The following PRDM2 variants were observed in gnomAD, a reference collection of about 807,000 sequenced individuals.
PRDM2 encodes PR domain zinc finger protein 2.
A neutral mutation model predicts 130.0 loss-of-function variants in PRDM2; 30 were observed. The ratio of observed to expected loss-of-function variants is 0.23; its 90% confidence interval spans 0.17 to 0.31. PRDM2 has a LOEUF of 0.31. Ranked by LOEUF, PRDM2 falls within the 10% of genes least tolerant of loss-of-function variation. The probability of loss-of-function intolerance (pLI) is 1.00; values close to 1 mark genes in which losing one functional copy is unlikely to be tolerated. For missense variants in PRDM2, 2,011 were observed against 2,108.4 expected (o/e 0.95, Z 0.90); for synonymous variants, 871 against 782.4 (o/e 1.11, Z -1.89).
At chr1:13,764,733 T>A (rs1644183773) in intron 6 of PRDM2, among the ~76,000 whole-genome samples, 1 of 152,268 alleles carries the variant, frequency 6.6e-6, no homozygotes, top group African/African-American at 2.4e-5. Flanking sequence ...GAATTTATAC[T>A]GCAATCTGCA....
chr1:13,791,501 C>T (rs1160781449), intron 8 of PRDM2, among the ~76,000 whole-genome samples: 3 of 152,162 alleles, frequency 2.0e-5, no homozygotes, highest in Non-Finnish European at 2.9e-5. Flanking sequence ...CAGATACCGG[C>T]GGAGAACCTT....
In PRDM2 at chr1:13,781,851, C is replaced by A. The variant is rs567880926; in HGVS notation, c.4056C>A (p.Ile1352=). The change falls in exon 8 of 10, where the codon ATC becomes ATA. Residue 1352 remains isoleucine (I), a synonymous_variant. Transcript: ENST00000311066. This position sits in a 1 kb window ranked among gnomAD's most constrained non-coding sequence, Gnocchi z 6.1. Reference sequence around the variant, plus strand: ...ATATGCCGGAGTTGCACAAACATATCCTGGCTTGTGCTTCTGCAAGTGACA... The same window carrying A: ...ATATGCCGGAGTTGCACAAACATATACTGGCTTGTGCTTCTGCAAGTGACA... ...VDNMPELHKH[I]LACASASDKK... 9.9e-6 allele frequency: 16 copies of A among 1,614,168 alleles called. No homozygotes were observed. The East Asian group carries it at 1.1e-4, about 11-fold the overall frequency.
chr1:13,750,207 T>C (rs1476629325), intron 6 of PRDM2, among the ~76,000 whole-genome samples: 1 of 151,790 alleles, frequency 6.6e-6, no homozygotes, highest in Non-Finnish European at 1.5e-5. Context: ...GGTAGGAAAA[T>C]AGTTTGGTTG....
intron 6 of PRDM2, among the ~76,000 whole-genome samples, chr1:13,755,714 C>G (rs947814673): frequency 2.6e-5 from 4 of 151,536 alleles, no homozygotes; most frequent in African/African-American, 9.7e-5. Flanking sequence ...TTACAGATAG[C>G]TGTTACGACA....
At chr1:13,707,878 A>G (rs1337509838) in intron 1 of PRDM2, among the ~76,000 whole-genome samples, 1 of 150,136 alleles carries the variant, frequency 6.7e-6, no homozygotes, top group Non-Finnish European at 1.5e-5. Flanking sequence ...GAGAGCTAAG[A>G]TAATATGTTT....
intron 8 of PRDM2, among the ~76,000 whole-genome samples, chr1:13,795,258 G>GTAAA (rs1237717566): frequency 2.0e-5 from 3 of 152,274 alleles, no homozygotes; most frequent in Non-Finnish European, 2.9e-5. Context: ...TGGCCACGAT[G>GTAAA]TAAATAAAGG....
At chr1:13,813,162 A>C (rs551179159) in intron 8 of PRDM2, among the ~76,000 whole-genome samples, 13 of 152,306 alleles carry the variant, frequency 8.5e-5, no homozygotes, top group Non-Finnish European at 2.9e-5. Context: ...GTTAATCATT[A>C]CTGTAACCCC....
chr1:13,778,750 T>C lies in PRDM2; in HGVS notation c.955T>C (p.Leu319=). 1 of 1,613,966 alleles carries C rather than the reference T, an allele frequency of 6.2e-7. No homozygotes were observed. The highest frequency in any genetic ancestry group is 8.5e-7 in the Non-Finnish European group (1 of 1,179,984). Residue 319 remains leucine (L), a synonymous_variant, in exon 8 of 10, where the codon TTA becomes CTA. Transcript: ENST00000311066. Reference sequence around the variant, plus strand: ...ACGGTGTGATGAGAAGCCAGAAGATTTATTAGAGGAACCAAAAACAACTTC... The same window carrying C: ...ACGGTGTGATGAGAAGCCAGAAGATCTATTAGAGGAACCAAAAACAACTTC... ...EIRCDEKPED[L]LEEPKTTSEE... is the part of the protein sequence containing the mutation.
intron 8 of PRDM2, among the ~76,000 whole-genome samples, chr1:13,809,810 T>C (rs1459015413): frequency 6.6e-6 from 1 of 152,176 alleles, no homozygotes; most frequent in Non-Finnish European, 1.5e-5. Context: ...AAATTTGGGC[T>C]GCCATAACAG....
At chr1:13,795,626 G>A (rs1360873746) in intron 8 of PRDM2, among the ~76,000 whole-genome samples, 1 of 152,222 alleles carries the variant, frequency 6.6e-6, no homozygotes, top group African/African-American at 2.4e-5. Flanking sequence ...TGAAAACTGT[G>A]TTGCGGGTGA....
chr1:13,709,357 G>T (rs1642300339), intron 1 of PRDM2, among the ~76,000 whole-genome samples: 1 of 152,174 alleles, frequency 6.6e-6, no homozygotes, highest in Non-Finnish European at 1.5e-5. Context: ...TTCACAGATT[G>T]TAATTTAGGA....
chr1:13,777,374 T>C (rs1473943446), intron 7 of PRDM2, among the ~76,000 whole-genome samples: 3 of 151,864 alleles, frequency 2.0e-5, no homozygotes, highest in Non-Finnish European at 4.4e-5. Context: ...TTCTCTTGAA[T>C]ACAAGTCAGA....
Position 13,780,566 on chromosome 1 carries a change from A to T in PRDM2, c.2771A>T (p.Asp924Val). The T allele has an allele frequency of 1.2e-6, 2 of 1,614,150 alleles. No individual in the cohort carries two copies. The highest frequency in any genetic ancestry group is 1.7e-6 in the Non-Finnish European group (2 of 1,180,026). Residue 924 changes from aspartate to valine, a missense_variant, in exon 8 of 10, where the codon GAT (aspartate) becomes GTT (valine). Around this residue, in one of 5 missense-constraint regions of PRDM2, gnomAD observed 1,288 missense variants for 1,237.7 expected, o/e 1.04. Transcript: ENST00000311066. ...SPCKSLEAQP[D>V]PDLGPGSGFP... ...TGTAAATCCCTAGAAGCTCAGCCAG[A>T]TCCTGACCTCGGTCCGGGCTCTGGT...
chr1:13,754,265 G>C (rs1410960692), intron 6 of PRDM2, among the ~76,000 whole-genome samples: 1 of 152,160 alleles, frequency 6.6e-6, no homozygotes, highest in Non-Finnish European at 1.5e-5. Context: ...TGCACCAAGT[G>C]GCTGGGTTGG....
intron 4 of PRDM2, chr1:13,739,086 G>T (rs564415592): frequency 1.4e-5 from 2 of 146,708 alleles, no homozygotes; most frequent in Admixed American, 1.4e-4. Context: ...TTGCTCTGTC[G>T]CCCAGGCTGG....
In PRDM2 at chr1:13,742,204, T is replaced by G. The variant is rs368915302; in HGVS notation, c.384+47T>G. On this transcript the variant is annotated intron_variant, in intron 5 of 9. Transcript: ENST00000311066. ...TACTGTTAGTTACGCTGCTTGTGTT[T>G]TCCTTTTTCTTTTTTTGAGACGGTC... 408 of 1,578,844 alleles carry G rather than the reference T, an allele frequency of 2.6e-4. 1 individual carries two copies. Among genetic ancestry groups the G allele is most frequent in the Non-Finnish European group, 3.5e-4 (400 of 1,150,610 alleles).
At chr1:13,717,986 A>G (rs888503620) in intron 2 of PRDM2, among the ~76,000 whole-genome samples, 6 of 152,226 alleles carry the variant, frequency 3.9e-5, no homozygotes, top group African/African-American at 1.4e-4. Flanking sequence ...GTTATGGCAT[A>G]AAATCTATCA....
intron 2 of PRDM2, among the ~76,000 whole-genome samples, chr1:13,717,014 A>G (rs1231986076): frequency 6.6e-6 from 1 of 152,172 alleles, no homozygotes; most frequent in South Asian, 2.1e-4. Context: ...AGTTTAATAC[A>G]TTCAGTCCTG....
At chr1:13,728,842 A>G (rs1203167045) in intron 2 of PRDM2, among the ~76,000 whole-genome samples, 1 of 152,154 alleles carries the variant, frequency 6.6e-6, no homozygotes, top group Non-Finnish European at 1.5e-5. Context: ...AAATTTTAAT[A>G]CATGTGATCT....
Sources: allele counts gnomAD v4.1 joint callset (sites outside exome capture counted in the v4.1 genomes callset), GRCh38; gene constraint gnomAD v4.1.1; regional missense constraint gnomAD v4.1.1; non-coding constraint Gnocchi (gnomAD v3.1); transcripts MANE v1.5; gene names NCBI Gene and HGNC (gene_info 2026-07-23, HGNC 2026-07-21).